SPAG16: variants seen among roughly 807,000 people sequenced by gnomAD.
SPAG16 encodes sperm associated antigen 16.
A neutral mutation model predicts 80.4 loss-of-function variants in SPAG16; 86 were observed. The ratio of observed to expected loss-of-function variants is 1.07; its 90% CI spans 0.90 to 1.28. The LOEUF (loss-of-function observed/expected upper bound fraction) is 1.28, where lower values mean the gene tolerates loss of function less well. Ranked by LOEUF, SPAG16 falls within the 50% of genes most tolerant of loss-of-function variation. The pLI, the probability that SPAG16 is intolerant of heterozygous loss-of-function variation, is 0.00. For missense variants in SPAG16, 870 were observed against 765.3 expected (o/e 1.14, Z -1.61); for synonymous variants, 294 against 265.9 (o/e 1.11, Z -1.03).
chr2:214,047,183 G>A (rs924334678), intron 13 of SPAG16, among the ~76,000 whole-genome samples: 3 of 151,926 alleles, frequency 2.0e-5, no homozygotes, highest in Admixed American at 6.6e-5. Flanking sequence ...AGAAAAAACA[G>A]TCCTAATATT....
chr2:213,995,413 C>G (rs2046469681), intron 12 of SPAG16, among the ~76,000 whole-genome samples: 1 of 152,212 alleles, frequency 6.6e-6, no homozygotes, highest in Non-Finnish European at 1.5e-5. Flanking sequence ...ACTCCTTTCT[C>G]TTCTTGCCAT....
chr2:213,382,936 A>G (rs1454044859), intron 9 of SPAG16, among the ~76,000 whole-genome samples: 1 of 152,210 alleles, frequency 6.6e-6, no homozygotes, highest in African/African-American at 2.4e-5. Context: ...ATTAACTACC[A>G]TCACAGATGG....
At chr2:213,542,616 T>G (rs2076485171) in intron 10 of SPAG16, among the ~76,000 whole-genome samples, 1 of 151,688 alleles carries the variant, frequency 6.6e-6, no homozygotes, top group South Asian at 2.1e-4. Context: ...ACCAGAAAAA[T>G]CAAAACAACA....
intron 13 of SPAG16, among the ~76,000 whole-genome samples, chr2:214,069,741 A>G (rs1290959012): frequency 6.6e-6 from 1 of 151,910 alleles, no homozygotes; most frequent in African/African-American, 2.4e-5. Flanking sequence ...TATTTTAGAA[A>G]CTTCTATATC....
intron 15 of SPAG16, among the ~76,000 whole-genome samples, chr2:214,376,614 T>C (rs1053854071): frequency 3.3e-5 from 5 of 152,194 alleles, no homozygotes; most frequent in Admixed American, 3.3e-4. Context: ...ATATCTCTGA[T>C]TAAAAAGAGC....
intron 13 of SPAG16, among the ~76,000 whole-genome samples, chr2:214,086,492 C>G (rs1045706591): frequency 2.0e-5 from 3 of 151,994 alleles, no homozygotes; most frequent in African/African-American, 7.2e-5. Context: ...GAGGCAGTCC[C>G]CCTGTGCTGT....
chr2:213,741,235 C>T (rs1314424654), intron 10 of SPAG16, among the ~76,000 whole-genome samples: 1 of 152,070 alleles, frequency 6.6e-6, no homozygotes, highest in African/African-American at 2.4e-5. Flanking sequence ...CCACTTTAAA[C>T]ATTTTCTATG....
chr2:213,920,936 GT>G (rs1236516016), intron 11 of SPAG16, among the ~76,000 whole-genome samples: 3 of 152,190 alleles, frequency 2.0e-5, no homozygotes, highest in South Asian at 2.1e-4. Context: ...TAGTTTAGGG[GT>G]CTCCTCCTGC....
chr2:213,655,643 G>A (rs971405536), intron 10 of SPAG16, among the ~76,000 whole-genome samples: 2 of 152,156 alleles, frequency 1.3e-5, no homozygotes, highest in Non-Finnish European at 2.9e-5. Context: ...TGATCCTGGG[G>A]CTGGTCACAT....
intron 10 of SPAG16, among the ~76,000 whole-genome samples, chr2:213,796,439 A>C (rs547168884): frequency 6.6e-6 from 1 of 152,312 alleles, no homozygotes; most frequent in East Asian, 1.9e-4. Flanking sequence ...ACGTCTTCAA[A>C]GTTCATTCAC....
At chr2:214,339,916 A>C (rs1382166705) in intron 15 of SPAG16, among the ~76,000 whole-genome samples, 1 of 152,194 alleles carries the variant, frequency 6.6e-6, no homozygotes, top group Non-Finnish European at 1.5e-5. Flanking sequence ...TGACCTAATC[A>C]CAGCCTCAGC....
At chr2:213,654,240 T>C (rs1263399766) in intron 10 of SPAG16, among the ~76,000 whole-genome samples, 1 of 152,198 alleles carries the variant, frequency 6.6e-6, no homozygotes, top group Non-Finnish European at 1.5e-5. Context: ...AGTATGTCAA[T>C]ACAAAGGGTT....
intron 13 of SPAG16, among the ~76,000 whole-genome samples, chr2:214,026,029 G>A (rs1010203711): frequency 7.3e-5 from 11 of 151,440 alleles, no homozygotes; most frequent in Non-Finnish European, 1.5e-5. Context: ...AAGAGGCAGG[G>A]CTGAAGAAAT....
chr2:213,439,956 G>C (rs2070843434), intron 9 of SPAG16, among the ~76,000 whole-genome samples: 2 of 152,132 alleles, frequency 1.3e-5, no homozygotes, highest in Admixed American at 1.3e-4. Context: ...CTTTAGAAAA[G>C]TGTATACATT....
At chr2:214,292,948 T>A (rs1693903143) in intron 15 of SPAG16, among the ~76,000 whole-genome samples, 2 of 152,200 alleles carry the variant, frequency 1.3e-5, no homozygotes, top group Admixed American at 6.5e-5. Context: ...CCTCGGTGGC[T>A]TAGGGCTTAG....
intron 10 of SPAG16, among the ~76,000 whole-genome samples, chr2:213,847,709 G>C (rs1033413586): frequency 1.3e-5 from 2 of 152,144 alleles, no homozygotes; most frequent in African/African-American, 4.8e-5. Context: ...ACATAAGTTA[G>C]GTAGTGAGAG....
intron 10 of SPAG16, among the ~76,000 whole-genome samples, chr2:213,716,096 G>T (rs1292960208): frequency 4.6e-5 from 7 of 151,906 alleles, no homozygotes; most frequent in Non-Finnish European, 8.8e-5. Context: ...CCTCTAATTT[G>T]GTTCTGAAAT....
At chr2:214,238,757 G>A (rs1689249111) in intron 15 of SPAG16, 1 of 151,228 alleles carries the variant, frequency 6.6e-6, no homozygotes, top group Admixed American at 6.6e-5. Context: ...AATTCTTGAA[G>A]CTCATAAGCA....
intron 5 of SPAG16, among the ~76,000 whole-genome samples, chr2:213,326,562 C>T (rs965564678): frequency 5.3e-5 from 8 of 151,886 alleles, no homozygotes; most frequent in Admixed American, 4.6e-4. Flanking sequence ...TCCATTTTGG[C>T]CATCCAACAG....
Sources: allele counts gnomAD v4.1 joint callset (sites outside exome capture counted in the v4.1 genomes callset), GRCh38; gene constraint gnomAD v4.1.1; transcripts MANE v1.5; gene names NCBI Gene and HGNC (gene_info 2026-07-23, HGNC 2026-07-21).